MLYCD: variants seen among roughly 807,000 people sequenced by gnomAD.
MLYCD encodes malonyl-CoA decarboxylase, mitochondrial.
MLYCD carries 27 observed loss-of-function variants against 35.8 expected under a neutral mutation model. The ratio of observed to expected loss-of-function variants is 0.75; its 90% CI spans 0.56 to 1.04. The LOEUF is 1.04. MLYCD is among the 50% of genes least tolerant of loss of function. MLYCD has a pLI of 0.00. For missense variants in MLYCD, 917 were observed against 665.1 expected (o/e 1.38, Z -4.17); for synonymous variants, 403 against 302.4 (o/e 1.33, Z -3.45).
chr16:83,899,745 C>G (rs1906715536), intron 1 of MLYCD, 73 bp downstream of exon 1: 6 of 1,419,980 alleles, frequency 4.2e-6, no homozygotes, highest in South Asian at 1.4e-5. Flanking sequence ...CTTGCCCCCT[C>G]CAAGTCCCAC....
intron 4 of MLYCD, 125 bp from the exon 5 acceptor site, chr16:83,914,831 A>G: frequency 1.5e-6 from 2 of 1,337,968 alleles, no homozygotes; most frequent in Non-Finnish European, 2.1e-6. Context: ...CATGTATCAG[A>G]TGTCACTCTG....
chr16:83,924,787 G>C lies in MLYCD; in HGVS notation c.*9298G>C, dbSNP rs540154535. ...TTGCCAGCTCTCACCGAGGCCCCCG[G>C]TGACCTCCTAGGGGGTACATCCAGC... On this transcript the variant is annotated 3_prime_UTR_variant, in exon 5 of 5. Coordinates refer to ENST00000262430, the MANE Select transcript of MLYCD (RefSeq NM_012213.3). 1 of 152,144 alleles carries C rather than the reference G, an allele frequency of 6.6e-6. No homozygotes were observed. Among genetic ancestry groups the C allele is most frequent in the African/African-American group, 2.4e-5 (1 of 41,516 alleles). 9.4% of individuals were successfully genotyped at this position (152,144 alleles called of 1,614,324 possible).
rs2875836 is a variant in MLYCD at position 83,918,027 on chromosome 16, A to C, written c.*2538A>C. 2 of 152,152 alleles carry C rather than the reference A, an allele frequency of 1.3e-5. No individual in the cohort carries two copies. Among genetic ancestry groups the C allele is most frequent in the Non-Finnish European group, 2.9e-5 (2 of 68,018 alleles). 9.4% of individuals were successfully genotyped at this position (152,152 alleles called of 1,614,324 possible). A position where few individuals can be genotyped will look rare whatever the true frequency, so the allele number is the denominator to read the frequency against. On this transcript the variant is annotated 3_prime_UTR_variant, in exon 5 of 5. Coordinates refer to ENST00000262430, the MANE Select transcript of MLYCD (RefSeq NM_012213.3). ...AGTTTGTAGATGTCAGTCATCCCCAAGTCACTAGGAACTAGCACGCCTGAG... is the reference window on the plus strand; with the variant it reads ...AGTTTGTAGATGTCAGTCATCCCCACGTCACTAGGAACTAGCACGCCTGAG...
chr16:83,903,215 CA>C (rs1195888158), intron 1 of MLYCD, among the ~76,000 whole-genome samples: 1 of 152,130 alleles, frequency 6.6e-6, no homozygotes, highest in East Asian at 1.9e-4. Context: ...AACAGAGGCA[CA>C]GAAACTAGAG....
rs1391274198 is a variant in MLYCD, at chr16:83,919,335, C to G, written c.*3846C>G. 2 of 142,684 alleles carry G rather than the reference C, an allele frequency of 1.4e-5. No homozygotes were observed. Among genetic ancestry groups the G allele is most frequent in the African/African-American group, 2.7e-5 (1 of 36,746 alleles). 8.8% of individuals were successfully genotyped at this position (142,684 alleles called of 1,614,324 possible). ...GAGAACACACACAGTGCACAGAATT[C>G]ATGCACACAGTGCACAGGAGAACAC... On this transcript the variant is annotated 3_prime_UTR_variant, in exon 5 of 5. Coordinates refer to ENST00000262430, the MANE Select transcript of MLYCD (RefSeq NM_012213.3).
intron 1 of MLYCD, among the ~76,000 whole-genome samples, chr16:83,902,100 C>G (rs923883078): frequency 6.8e-5 from 10 of 146,040 alleles, no homozygotes; most frequent in African/African-American, 2.3e-4. Flanking sequence ...TAGTTGTTTT[C>G]TCATATATAC....
In MLYCD at chr16:83,900,242, C is replaced by G. The variant is rs535404264; in HGVS notation, c.528+570C>G. On this transcript the variant is annotated intron_variant, in intron 1 of 4. Coordinates refer to ENST00000262430, the MANE Select transcript of MLYCD (RefSeq NM_012213.3). ...GACTTTTGGGAGGGCATTTAACTCC[C>G]TGCGTTCAGTACTTAATGTGATGAT... 2.6e-5 allele frequency among the ~76,000 whole-genome samples: 4 copies of G among 152,286 alleles called. No homozygotes were observed. The East Asian group carries it at 7.7e-4, about 29-fold the overall frequency.
At position 83,922,636 on chromosome 16, in the gene MLYCD, C is replaced by T. The variant is rs1907691389; in HGVS notation, c.*7147C>T. 6.6e-6 allele frequency: 1 copy of T among 152,228 alleles called. No homozygotes were observed. Among genetic ancestry groups the T allele is most frequent in the Non-Finnish European group, 1.5e-5 (1 of 68,070 alleles). 9.4% of individuals were successfully genotyped at this position (152,228 alleles called of 1,614,324 possible). ...AGTGGCAGTAACCATAGTACCGACCCCACAGCCTGCTGAGAGGCTCAAAGG... is the reference window on the plus strand; with the variant it reads ...AGTGGCAGTAACCATAGTACCGACCTCACAGCCTGCTGAGAGGCTCAAAGG... On this transcript the variant is annotated 3_prime_UTR_variant, in exon 5 of 5. Transcript: ENST00000262430.
chr16:83,919,095 C>G lies in MLYCD; in HGVS notation c.*3606C>G, dbSNP rs1220199943. On this transcript the variant is annotated 3_prime_UTR_variant, in exon 5 of 5. Transcript: ENST00000262430. ...CAGTGCACAGGAGAACACGCACACACAGTGCACAGAACACAGACACAGTGC... is the reference window on the plus strand; with the variant it reads ...CAGTGCACAGGAGAACACGCACACAGAGTGCACAGAACACAGACACAGTGC... The G allele has an allele frequency of 6.7e-6, 1 of 148,978 alleles. No homozygotes were observed. Among genetic ancestry groups the G allele is most frequent in the East Asian group, 2.1e-4 (1 of 4,858 alleles). 9.2% of individuals were successfully genotyped at this position (148,978 alleles called of 1,614,324 possible). A position where few individuals can be genotyped will look rare whatever the true frequency, so the allele number is the denominator to read the frequency against.
Position 83,906,887 on chromosome 16 carries a change from A to T in MLYCD, c.529-100A>T, listed in dbSNP as rs1354385378. On this transcript the variant is annotated intron_variant, in intron 1 of 4. Coordinates refer to ENST00000262430, the MANE Select transcript of MLYCD (RefSeq NM_012213.3). ...GTTGTCTTGCACAATTGTCTTATGT[A>T]TCGTGCTTGAGTGTTTTCATTCCTT... 3.1e-6 allele frequency: 3 copies of T among 974,734 alleles called. No homozygotes were observed. The African/African-American group carries it at 4.8e-5, about 16-fold the overall frequency. 60.4% of individuals were successfully genotyped at this position (974,734 alleles called of 1,614,324 possible). A position where few individuals can be genotyped will look rare whatever the true frequency, so the allele number is the denominator to read the frequency against.
At chr16:83,911,946 C>T (rs1032591081) in intron 3 of MLYCD, 40 of 471,518 alleles carry the variant, frequency 8.5e-5, no homozygotes, top group African/African-American at 7.3e-4. Context: ...CAGAAAGGGG[C>T]ATACATTGCT....
chr16:83,905,736 C>A (rs868808896), intron 1 of MLYCD, among the ~76,000 whole-genome samples: 3 of 152,240 alleles, frequency 2.0e-5, no homozygotes, highest in African/African-American at 7.2e-5. Flanking sequence ...AGAACTCTGT[C>A]ACATGGCTGC....
intron 1 of MLYCD, 103 bp downstream of exon 1, chr16:83,899,775 C>G (rs1291156483): frequency 1.4e-5 from 18 of 1,324,514 alleles, no homozygotes; most frequent in East Asian, 2.8e-5. Context: ...CTTCCCTGCC[C>G]GATAGCACGC....
In MLYCD at chr16:83,899,246, C is replaced by T; in HGVS notation, c.102C>T (p.Gly34=). ...GPRLASGQAA[G]ALERAMDELL... ...GGCTGGCGAGCGGGCAGGCGGCCGGCGCCCTGGAGCGGGCCATGGACGAGC... is the reference window on the plus strand; with the variant it reads ...GGCTGGCGAGCGGGCAGGCGGCCGGTGCCCTGGAGCGGGCCATGGACGAGC... The change falls in exon 1 of 5, where the codon GGC becomes GGT. Residue 34 remains glycine, a synonymous_variant. Coordinates refer to ENST00000262430, the MANE Select transcript of MLYCD (RefSeq NM_012213.3). The T allele has an allele frequency of 7.8e-7, 1 of 1,274,242 alleles. No homozygotes were observed. Among genetic ancestry groups the T allele is most frequent in the Non-Finnish European group, 9.8e-7 (1 of 1,016,074 alleles). 78.9% of individuals were successfully genotyped at this position (1,274,242 alleles called of 1,614,324 possible).
chr16:83,907,353 G>T (rs1250069772), intron 2 of MLYCD, among the ~76,000 whole-genome samples: 2 of 152,138 alleles, frequency 1.3e-5, no homozygotes, highest in Non-Finnish European at 2.9e-5. Flanking sequence ...TCTTATTTGT[G>T]TCCTCTTATT....
intron 4 of MLYCD, 120 bp downstream of exon 4, chr16:83,912,487 CA>C: frequency 3.6e-6 from 5 of 1,392,756 alleles, no homozygotes; most frequent in Non-Finnish European, 5.0e-6. Context: ...AAGGGAGGGG[CA>C]GGGGGTAGAA....
At chr16:83,900,139 G>A (rs1181473860) in intron 1 of MLYCD, among the ~76,000 whole-genome samples, 1 of 152,186 alleles carries the variant, frequency 6.6e-6, no homozygotes, top group Non-Finnish European at 1.5e-5. Flanking sequence ...CCTGTGAAAT[G>A]CACAAAGGTA....
In MLYCD at chr16:83,916,760, G is replaced by C. The variant is rs1266138188; in HGVS notation, c.*1271G>C. Reference sequence around the variant, plus strand: ...TGCCCGAGCGTCTCTGTGTGGATCAGTGCACGTCTGTGTGCATGTGCACGA... The same window carrying C: ...TGCCCGAGCGTCTCTGTGTGGATCACTGCACGTCTGTGTGCATGTGCACGA... On this transcript the variant is annotated 3_prime_UTR_variant, in exon 5 of 5. Coordinates refer to ENST00000262430, the MANE Select transcript of MLYCD (RefSeq NM_012213.3). 7.2e-6 allele frequency: 1 copy of C among 139,804 alleles called. No homozygotes were observed. Among genetic ancestry groups the C allele is most frequent in the African/African-American group, 2.7e-5 (1 of 36,560 alleles). The allele number at this position is 139,804 out of a possible 1,614,324, so 8.7% of individuals were successfully genotyped here. A position where few individuals can be genotyped will look rare whatever the true frequency, so the allele number is the denominator to read the frequency against.
At position 83,926,291 on chromosome 16, in the gene MLYCD, C is replaced by G. The variant is rs1907804267; in HGVS notation, c.*10802C>G. Reference sequence around the variant, plus strand: ...GGACTCAGACCCCAGTTGCCCTGCACTGAACGCTGGCTTGCCCTAGCTCAC... The same window carrying G: ...GGACTCAGACCCCAGTTGCCCTGCAGTGAACGCTGGCTTGCCCTAGCTCAC... On this transcript the variant is annotated 3_prime_UTR_variant, in exon 5 of 5. Transcript: ENST00000262430. 6.6e-6 allele frequency: 1 copy of G among 152,464 alleles called. No homozygotes were observed. The highest frequency in any genetic ancestry group is 2.1e-4 in the South Asian group (1 of 4,842). The allele number at this position is 152,464 out of a possible 1,614,324, so 9.4% of individuals were successfully genotyped here.
Sources: allele counts gnomAD v4.1 joint callset (sites outside exome capture counted in the v4.1 genomes callset), GRCh38; gene constraint gnomAD v4.1.1; transcripts MANE v1.5; gene names NCBI Gene and HGNC (gene_info 2026-07-23, HGNC 2026-07-21).